RFX6: variants seen among roughly 807,000 people sequenced by gnomAD.
The protein encoded by RFX6 is regulatory factor X6.
RFX6 carries 50 observed loss-of-function variants against 110.8 expected under a neutral mutation model. The ratio of observed to expected loss-of-function variants is 0.45; its 90% CI spans 0.36 to 0.57. The LOEUF (loss-of-function observed/expected upper bound fraction) is 0.57. Among genes scored for constraint, RFX6 ranks in the 20% least tolerant of loss-of-function variants. The pLI, the probability that RFX6 is intolerant of heterozygous loss-of-function variation, is 0.00. For missense variants in RFX6, 990 were observed against 1,127.0 expected, an observed-to-expected ratio of 0.88 and a Z score of 1.74; for synonymous variants, 383 against 411.2, an observed-to-expected ratio of 0.93 and a Z score of 0.83.
At chr6:116,918,121 T>G (rs746808009) in intron 10 of RFX6, 35 bp downstream of exon 10, 1 of 1,437,398 alleles carries the variant, frequency 7.0e-7, no homozygotes, top group South Asian at 1.1e-5. Flanking sequence ...GCATTCCTAG[T>G]ATAGGATTTA....
intron 6 of RFX6, among the ~76,000 whole-genome samples, chr6:116,903,532 C>A (rs1415698779): frequency 6.6e-6 from 1 of 151,922 alleles, no homozygotes; most frequent in African/African-American, 2.4e-5. Flanking sequence ...AGAGAGGAGT[C>A]CTCTGTGCAC....
At chr6:116,921,915 T>C in intron 12 of RFX6, 127 bp from the exon 13 acceptor site, 1 of 647,856 alleles carries the variant, frequency 1.5e-6, no homozygotes, top group South Asian at 1.8e-5. Context: ...TTTCACACAT[T>C]TATCTGTCTT....
intron 11 of RFX6, among the ~76,000 whole-genome samples, chr6:116,919,925 G>C (rs1309793572): frequency 6.6e-6 from 1 of 152,178 alleles, no homozygotes; most frequent in African/African-American, 2.4e-5. Context: ...GATGATTTCA[G>C]ATAGGAAATG....
At chr6:116,891,964 A>G (rs1774839867) in intron 4 of RFX6, among the ~76,000 whole-genome samples, 1 of 152,056 alleles carries the variant, frequency 6.6e-6, no homozygotes. Flanking sequence ...TGTAAAAATG[A>G]GCAGTTATGA....
intron 6 of RFX6, among the ~76,000 whole-genome samples, chr6:116,908,719 G>A (rs181830418): frequency 6.7e-6 from 1 of 149,380 alleles, no homozygotes; most frequent in East Asian, 1.9e-4. Context: ...CACACACAGA[G>A]GGATTGAGAG....
intron 4 of RFX6, among the ~76,000 whole-genome samples, chr6:116,892,346 T>C (rs1030003952): frequency 1.3e-5 from 2 of 152,148 alleles, no homozygotes; most frequent in African/African-American, 2.4e-5. Context: ...AGGGAGTCCA[T>C]AGCCTGAGTG....
intron 6 of RFX6, among the ~76,000 whole-genome samples, chr6:116,895,737 C>T (rs372996880): frequency 2.0e-5 from 3 of 152,060 alleles, no homozygotes. Flanking sequence ...CAGACTTTAT[C>T]TAAATGAGTT....
chr6:116,900,754 A>G (rs1439460514), intron 6 of RFX6, among the ~76,000 whole-genome samples: 1 of 152,148 alleles, frequency 6.6e-6, no homozygotes, highest in East Asian at 1.9e-4. Context: ...GACTAATATC[A>G]AAGAAATGGT....
intron 18 of RFX6, among the ~76,000 whole-genome samples, chr6:116,930,363 AT>A (rs11361585): frequency 0.22 from 33,006 of 151,992 alleles, 3,907 homozygotes; most frequent in East Asian, 0.4. Context: ...CAGTTAATGA[AT>A]TTTATTGAGA....
At chr6:116,883,042 G>A (rs1053359761) in intron 4 of RFX6, among the ~76,000 whole-genome samples, 1 of 152,126 alleles carries the variant, frequency 6.6e-6, no homozygotes, top group African/African-American at 2.4e-5. Flanking sequence ...TGCGTACTGT[G>A]TTTTCAGTTT....
In RFX6 at chr6:116,901,994, A is replaced by G. The variant is rs114297646; in HGVS notation, c.672+6787A>G. Among the ~76,000 whole-genome samples, 1,387 of 152,242 alleles carry G rather than the reference A, an allele frequency of 9.1e-3. 23 individuals carry two copies. Among genetic ancestry groups the G allele is most frequent in the African/African-American group, 0.032 (1,324 of 41,582 alleles). On this transcript the variant is annotated intron_variant, in intron 6 of 18. Transcript: ENST00000332958. ...TTATACATTTATACAATGGAGTGCT[A>G]TACTGCTTTGGGTATGAGCGAATGA... is the stretch of plus-strand genomic sequence containing the variant.
At chr6:116,891,004 G>T (rs1016920139) in intron 4 of RFX6, among the ~76,000 whole-genome samples, 4 of 152,084 alleles carry the variant, frequency 2.6e-5, no homozygotes, top group Admixed American at 2.6e-4. Context: ...TATTAGTTAG[G>T]ATTTATTTAG....
chr6:116,899,090 T>G (rs339348), intron 6 of RFX6, among the ~76,000 whole-genome samples: 1 of 151,970 alleles, frequency 6.6e-6, no homozygotes, highest in African/African-American at 2.4e-5. Flanking sequence ...GTTAGAAGAT[T>G]GTAAAATTTA....
At chr6:116,895,730 A>G (rs1774932350) in intron 6 of RFX6, among the ~76,000 whole-genome samples, 1 of 151,964 alleles carries the variant, frequency 6.6e-6, no homozygotes, top group African/African-American at 2.4e-5. Flanking sequence ...TCAAGAACAG[A>G]CTTTATCTAA....
rs769627799 is a variant in RFX6 at position 116,927,370 on chromosome 6, C to G, written c.2229C>G (p.Ser743Arg). The change falls in exon 17 of 19, where the codon AGC becomes AGG. Residue 743 changes from serine (S) to arginine (R), a missense_variant. Ser to Arg is a moderately radical substitution (Grantham distance 110). Coordinates refer to ENST00000332958, the MANE Select transcript of RFX6 (RefSeq NM_173560.4). ...TTTCAAGAGACTTCTTCAGTGGCAGCTGTGCGGGGTCTCCATATAACTCCC... is the reference window on the plus strand; with the variant it reads ...TTTCAAGAGACTTCTTCAGTGGCAGGTGTGCGGGGTCTCCATATAACTCCC... ...QQLSRDFFSGSCAGSPYNSRP... is the reference protein window; with the variant it reads ...QQLSRDFFSGRCAGSPYNSRP... The G allele has an allele frequency of 2.9e-5, 47 of 1,613,394 alleles. No homozygotes were observed.
chr6:116,916,387 T>C (rs764822868), intron 9 of RFX6, 73 bp downstream of exon 9: 10 of 922,162 alleles, frequency 1.1e-5, no homozygotes, highest in African/African-American at 1.6e-5. Flanking sequence ...ATTCTTGCAA[T>C]ATATTTTCAG....
chr6:116,893,396 C>A (rs904982101), intron 4 of RFX6, among the ~76,000 whole-genome samples: 1 of 152,214 alleles, frequency 6.6e-6, no homozygotes, highest in Non-Finnish European at 1.5e-5. Flanking sequence ...AACAAATTAT[C>A]TACAGCACTG....
intron 4 of RFX6, among the ~76,000 whole-genome samples, chr6:116,888,420 A>G (rs748283611): frequency 9.9e-5 from 15 of 152,206 alleles, no homozygotes; most frequent in South Asian, 6.2e-4. Flanking sequence ...TTTAAATCAG[A>G]TCTGTCATTT....
intron 6 of RFX6, among the ~76,000 whole-genome samples, chr6:116,899,524 G>C (rs897747871): frequency 1.3e-5 from 2 of 152,008 alleles, no homozygotes; most frequent in Non-Finnish European, 2.9e-5. Flanking sequence ...TATTTATAAG[G>C]TTTTAGTGTA....
Sources: allele counts gnomAD v4.1 joint callset (sites outside exome capture counted in the v4.1 genomes callset), GRCh38; gene constraint gnomAD v4.1.1; transcripts MANE v1.5; gene names NCBI Gene and HGNC (gene_info 2026-07-23, HGNC 2026-07-21).